The following EPRS1 variants were observed in gnomAD, a reference collection of about 807,000 sequenced individuals.
The protein encoded by EPRS1 is glutamyl-prolyl-tRNA synthetase 1, also known as bifunctional glutamate/proline--tRNA ligase.
Under a neutral mutation model 188.3 loss-of-function variants are expected in EPRS1, and 107 were observed. That is an observed-to-expected ratio of 0.57 (90% CI 0.49 to 0.67). The LOEUF (loss-of-function observed/expected upper bound fraction) is 0.67, where lower values mean the gene tolerates loss of function less well. Ranked by LOEUF, EPRS1 falls within the 30% of genes least tolerant of loss-of-function variation. The probability of loss-of-function intolerance (pLI) is 0.00; values close to 1 mark genes in which losing one functional copy is unlikely to be tolerated. For missense variants in EPRS1, 1,577 were observed against 1,802.2 expected (o/e 0.88, Z 2.26); for synonymous variants, 596 against 593.1 (o/e 1.00, Z -0.07).
intron 6 of EPRS1, 147 bp from the exon 7 acceptor site, chr1:220,025,405 G>A: frequency 6.1e-6 from 3 of 488,206 alleles, no homozygotes; most frequent in South Asian, 4.4e-5. Context: ...AAAGTACTGT[G>A]ATAGAAAATC....
intron 9 of EPRS1, among the ~76,000 whole-genome samples, chr1:220,021,027 G>A (rs1203375120): frequency 2.0e-5 from 3 of 151,362 alleles, no homozygotes; most frequent in Non-Finnish European, 2.9e-5. Flanking sequence ...ACAGGCATGC[G>A]CCACCATGCC....
chr1:220,005,439 A>G lies in EPRS1; in HGVS notation c.1951-79T>C, dbSNP rs951034161. 3.0e-5 allele frequency: 21 copies of G among 700,102 alleles called. No individual in the cohort carries two copies. In the South Asian group the frequency reaches 4.0e-4, roughly 13 times the overall value. 43.4% of individuals were successfully genotyped at this position (700,102 alleles called of 1,614,324 possible). Reference sequence around the variant, plus strand: ...TAACTCTAAAATGCAAGCAGTTTCCACTAACTAAAATACTCCCATTTTAAA... The same window carrying G: ...TAACTCTAAAATGCAAGCAGTTTCCGCTAACTAAAATACTCCCATTTTAAA... On this transcript the variant is annotated intron_variant, in intron 15 of 31. Coordinates refer to ENST00000366923, the MANE Select transcript of EPRS1 (RefSeq NM_004446.3).
chr1:219,980,689 T>A (rs1660877599), intron 25 of EPRS1, 67 bp downstream of exon 25: 37 of 1,129,718 alleles, frequency 3.3e-5, no homozygotes, highest in Non-Finnish European at 4.7e-5. Flanking sequence ...ACATTTTAAA[T>A]AACAAAATTG....
chr1:220,039,273 C>T (rs1207242404), intron 2 of EPRS1, among the ~76,000 whole-genome samples: 1 of 152,082 alleles, frequency 6.6e-6, no homozygotes, highest in East Asian at 1.9e-4. Flanking sequence ...CCCATTAAAC[C>T]AGTCACTCAT....
chr1:219,981,786 T>C (rs1388059313), intron 23 of EPRS1, among the ~76,000 whole-genome samples: 5 of 152,250 alleles, frequency 3.3e-5, no homozygotes, highest in Admixed American at 6.5e-5. Context: ...GGTCATGTTC[T>C]ATGTTAAGTT....
At chr1:220,009,304 A>G (rs1571680596) in intron 13 of EPRS1, among the ~76,000 whole-genome samples, 1 of 152,252 alleles carries the variant, frequency 6.6e-6, no homozygotes, top group East Asian at 1.9e-4. Context: ...TTTGCAATGC[A>G]CATCATCTTA....
At chr1:220,013,647 T>C (rs1307451154) in intron 12 of EPRS1, among the ~76,000 whole-genome samples, 1 of 152,142 alleles carries the variant, frequency 6.6e-6, no homozygotes, top group African/African-American at 2.4e-5. Context: ...ACTTAAATCT[T>C]ACCTGCAGAG....
At chr1:220,007,668 C>T (rs1768666) in intron 13 of EPRS1, among the ~76,000 whole-genome samples, 95,552 of 152,104 alleles carry the variant, frequency 0.63, 31,897 homozygotes, top group Non-Finnish European at 0.75. Flanking sequence ...TAGCTTGCCC[C>T]TAAGATTACT....
chr1:220,010,929 G>A lies in EPRS1; in HGVS notation c.1605+17C>T. On this transcript the variant is annotated intron_variant, in intron 13 of 31. Coordinates refer to ENST00000366923, the MANE Select transcript of EPRS1 (RefSeq NM_004446.3). ...TTTTAACAGAGAGAAACACATTGGTGAAACTGTAAGAGTGACCTTTGGGTG... is the reference window on the plus strand; with the variant it reads ...TTTTAACAGAGAGAAACACATTGGTAAAACTGTAAGAGTGACCTTTGGGTG... 1 of 1,449,652 alleles carries A rather than the reference G, an allele frequency of 6.9e-7. No homozygotes were observed. Among genetic ancestry groups the A allele is most frequent in the Non-Finnish European group, 9.7e-7 (1 of 1,033,348 alleles). 89.8% of individuals were successfully genotyped at this position (1,449,652 alleles called of 1,614,324 possible).
At position 220,027,385 on chromosome 1, in the gene EPRS1, G is replaced by A. The variant is rs1405948790; in HGVS notation, c.624-2127C>T. ...GGAGCTTGCAGTGAGCCAAGATCGTGCCACTGCACTCCAGCCCGGGCGACA... is the reference window on the plus strand; with the variant it reads ...GGAGCTTGCAGTGAGCCAAGATCGTACCACTGCACTCCAGCCCGGGCGACA... On this transcript the variant is annotated intron_variant, in intron 6 of 31. Transcript: ENST00000366923. Among the ~76,000 whole-genome samples, 95 of 151,044 alleles carry A rather than the reference G, an allele frequency of 6.3e-4. 1 individual carries two copies. Among genetic ancestry groups the A allele is most frequent in the Admixed American group, 6.0e-3 (91 of 15,148 alleles).
In EPRS1 at chr1:219,986,522, T is replaced by C. The variant is rs563385480; in HGVS notation, c.3038+620A>G. ...GACCAATGTCATATATGTAGTCCACTGTTGACTGACACATCATTATGTGGT... is the reference window on the plus strand; with the variant it reads ...GACCAATGTCATATATGTAGTCCACCGTTGACTGACACATCATTATGTGGT... On this transcript the variant is annotated intron_variant, in intron 20 of 31. Coordinates refer to ENST00000366923, the MANE Select transcript of EPRS1 (RefSeq NM_004446.3). Among the ~76,000 whole-genome samples the C allele has an allele frequency of 3.3e-5, 5 of 152,340 alleles. No individual in the cohort carries two copies. The South Asian group carries it at 1.0e-3, about 32-fold the overall frequency.
At chr1:220,032,270 C>T in intron 5 of EPRS1, 117 bp downstream of exon 5, 2 of 680,548 alleles carry the variant, frequency 2.9e-6, no homozygotes, top group Non-Finnish European at 4.3e-6. Flanking sequence ...ATATTTTTAG[C>T]AGAGATGCGG....
intron 18 of EPRS1, among the ~76,000 whole-genome samples, chr1:219,995,497 C>T (rs1661213466): frequency 6.6e-6 from 1 of 152,200 alleles, no homozygotes; most frequent in Non-Finnish European, 1.5e-5. Context: ...CTCCCAACCT[C>T]CCCATGAGGT....
Position 219,968,731 on chromosome 1 carries a change from T to C in EPRS1, c.*75A>G. On this transcript the variant is annotated 3_prime_UTR_variant, in exon 32 of 32. Coordinates refer to ENST00000366923, the MANE Select transcript of EPRS1 (RefSeq NM_004446.3). ...TACTTTTTAAAAAATCATAAAACGG[T>C]CTGTATCTGAGAAGATACTAATATC... The C allele has an allele frequency of 7.2e-7, 1 of 1,384,268 alleles. No individual in the cohort carries two copies. The highest frequency in any genetic ancestry group is 1.2e-5 in the South Asian group (1 of 80,408). The allele number at this position is 1,384,268 out of a possible 1,614,324, so 85.7% of individuals were successfully genotyped here. A position where few individuals can be genotyped will look rare whatever the true frequency, so the allele number is the denominator to read the frequency against.
At chr1:219,988,225 C>T (rs927582224) in intron 19 of EPRS1, among the ~76,000 whole-genome samples, 2 of 152,108 alleles carry the variant, frequency 1.3e-5, no homozygotes, top group Non-Finnish European at 2.9e-5. Context: ...TTTGACAGAG[C>T]TTTAGGAGAA....
Position 220,022,523 on chromosome 1 carries a change from A to G in EPRS1, c.944-5T>C, listed in dbSNP as rs1316242062. 6.2e-7 allele frequency: 1 copy of G among 1,604,522 alleles called. No homozygotes were observed. Among genetic ancestry groups the G allele is most frequent in the Admixed American group, 1.7e-5 (1 of 59,262 alleles). On this transcript the variant is annotated splice_region_variant and splice_polypyrimidine_tract_variant and intron_variant, in intron 8 of 31. Coordinates refer to ENST00000366923, the MANE Select transcript of EPRS1 (RefSeq NM_004446.3). ...TTTGTAGATTCTTCTCAATAGCTAT[A>G]AAATGATAATTACATTACGGTTCAC...
At chr1:220,002,991 C>A (rs761851021) in intron 16 of EPRS1, among the ~76,000 whole-genome samples, 2 of 152,168 alleles carry the variant, frequency 1.3e-5, no homozygotes, top group Non-Finnish European at 2.9e-5. Flanking sequence ...TTGGCAAATA[C>A]GCAGGAATGG....
intron 19 of EPRS1, among the ~76,000 whole-genome samples, chr1:219,987,808 T>C (rs1269820989): frequency 6.6e-6 from 1 of 152,228 alleles, no homozygotes; most frequent in East Asian, 1.9e-4. Flanking sequence ...GTCATGTGGC[T>C]GAATTTAATT....
At position 219,980,129 on chromosome 1, in the gene EPRS1, T is replaced by C; in HGVS notation, c.3667A>G (p.Thr1223Ala). 6.2e-7 allele frequency: 1 copy of C among 1,613,914 alleles called. No homozygotes were observed. Among genetic ancestry groups the C allele is most frequent in the Non-Finnish European group, 8.5e-7 (1 of 1,179,870 alleles). Residue 1223 changes from threonine (T) to alanine (A), a missense_variant, in exon 26 of 32, where the codon ACT becomes GCT. Transcript: ENST00000366923. ...GCAGATATAAATGCTTCTATTGTAG[T>C]TGTATAGTCTCCTCCTGCAAATTTT... ...KEKFAGGDYT[T>A]TIEAFISASG... is the part of the protein sequence containing the mutation.
Sources: gnomAD v4.1 joint callset for allele counts (sites outside exome capture counted in the v4.1 genomes callset) on GRCh38, gnomAD v4.1.1 for gene constraint, MANE v1.5 for transcripts, NCBI Gene and HGNC (gene_info 2026-07-23, HGNC 2026-07-21) for gene names.